The following TBCD variants were observed in gnomAD, a reference collection of about 807,000 sequenced individuals.
TBCD encodes the protein tubulin-specific chaperone D.
TBCD carries 105 observed loss-of-function variants against 169.3 expected under a neutral mutation model. The observed-to-expected ratio is 0.62, with a 90% confidence interval of 0.53 to 0.73. The LOEUF (loss-of-function observed/expected upper bound fraction) is 0.73, where lower values mean the gene tolerates loss of function less well. Ranked by LOEUF, TBCD falls within the 30% of genes least tolerant of loss-of-function variation. The pLI is 0.00. For missense variants in TBCD, 1,444 were observed against 1,600.1 expected, an observed-to-expected ratio of 0.90 and a Z score of 1.66; for synonymous variants, 700 against 643.9, an observed-to-expected ratio of 1.09 and a Z score of -1.32.
rs569717631 is a variant in TBCD, at chr17:82,805,745, C to T, written c.951-130C>T. 2.6e-5 allele frequency: 28 copies of T among 1,095,416 alleles called. 1 individual carries two copies. Among genetic ancestry groups the T allele is most frequent in the African/African-American group, 1.1e-4 (7 of 64,228 alleles). 67.9% of individuals were successfully genotyped at this position (1,095,416 alleles called of 1,614,324 possible). A position where few individuals can be genotyped will look rare whatever the true frequency, so the allele number is the denominator to read the frequency against. On this transcript the variant is annotated intron_variant, in intron 9 of 38. Transcript: ENST00000355528. ...TGCCTCCAGGTTCTCCCTTCTTATC[C>T]GGTCTCTGCAAAGTGCATGGAATTT...
Position 82,758,400 on chromosome 17 carries a change from A to AAAAAAAAAAAAAT in TBCD, c.235+2188_235+2189insAAAAAAAAATAAA, listed in dbSNP as rs1035939621. Reference sequence around the variant, plus strand: ...AACGTCTCGGAAAAAAAAAAAAAAAAAAATAAATAAATAAATAAATTTTTT... The same window carrying AAAAAAAAAAAAAT: ...AACGTCTCGGAAAAAAAAAAAAAAAAAAAAAAAAAAAATAAATAAATAAATAAATAAATTTTTT... On this transcript the variant is annotated intron_variant, in intron 2 of 38. Coordinates refer to ENST00000355528, the MANE Select transcript of TBCD (RefSeq NM_005993.5). 9.4e-3 allele frequency among the ~76,000 whole-genome samples: 934 copies of AAAAAAAAAAAAAT among 99,690 alleles called. 17 individuals carry two copies. Among genetic ancestry groups the AAAAAAAAAAAAAT allele is most frequent in the East Asian group, 0.02 (63 of 3,168 alleles). The allele number at this position is 99,690 out of a possible 152,430, so 65.4% of individuals were successfully genotyped here.
At chr17:82,809,979 T>TA (rs1413978827) in intron 12 of TBCD, among the ~76,000 whole-genome samples, 197 bp downstream of exon 12, 1 of 152,212 alleles carries the variant, frequency 6.6e-6, no homozygotes, top group African/African-American at 2.4e-5. Context: ...CCATTCTATT[T>TA]AAAAACCTTA....
At chr17:82,919,301 T>C (rs1478513968) in intron 23 of TBCD, among the ~76,000 whole-genome samples, 6 of 152,168 alleles carry the variant, frequency 3.9e-5, no homozygotes, top group Non-Finnish European at 8.8e-5. Context: ...TCTTGGCATG[T>C]AATCCCCAGC....
chr17:82,923,273 TGTA>T lies in TBCD; in HGVS notation c.2179-376_2179-374del, dbSNP rs879887531. Among the ~76,000 whole-genome samples, 54 of 152,206 alleles carry T rather than the reference TGTA, an allele frequency of 3.5e-4. No homozygotes were observed. The highest frequency in any genetic ancestry group is 7.1e-4 in the Non-Finnish European group (48 of 68,032). ...CAGGTTATCCATTCAGTTTCTTAGT[TGTA>T]GTGGTAGTAAAGTGATGCGTGTATC... On this transcript the variant is annotated intron_variant, in intron 25 of 38. Coordinates refer to ENST00000355528, the MANE Select transcript of TBCD (RefSeq NM_005993.5). The surrounding 1 kb of genome is among the most constrained non-coding windows in gnomAD (Gnocchi z 4.6).
chr17:82,798,868 G>C (rs1303091781), intron 8 of TBCD, among the ~76,000 whole-genome samples: 2 of 152,050 alleles, frequency 1.3e-5, no homozygotes, highest in African/African-American at 2.4e-5. Flanking sequence ...TCAGCCCCCT[G>C]AGTGGCTGGG....
rs773607280 is a variant in TBCD, at chr17:82,900,638, C to T, written c.1650-13C>T. Reference sequence around the variant, plus strand: ...TTCCGCGTCTCACCACCTCTCCATGCTGTCTTTTCCAGTGTGTTTATTGCC... The same window carrying T: ...TTCCGCGTCTCACCACCTCTCCATGTTGTCTTTTCCAGTGTGTTTATTGCC... On this transcript the variant is annotated splice_polypyrimidine_tract_variant and intron_variant, in intron 17 of 38. Coordinates refer to ENST00000355528, the MANE Select transcript of TBCD (RefSeq NM_005993.5). 1 of 1,611,974 alleles carries T rather than the reference C, an allele frequency of 6.2e-7. No homozygotes were observed. The highest frequency in any genetic ancestry group is 1.1e-5 in the South Asian group (1 of 90,996).
rs1003387795 is a variant in TBCD at position 82,944,670 on chromosome 17, T to C, written c.*2207T>C. On this transcript the variant is annotated 3_prime_UTR_variant, in exon 39 of 39. Coordinates refer to ENST00000355528, the MANE Select transcript of TBCD (RefSeq NM_005993.5). ...TTTAGAGAGCAGCAAGAAGCCAGTA[T>C]CCCTGGGACCGGGGAGCTGATGTGG... 6.6e-6 allele frequency: 1 copy of C among 152,176 alleles called. No homozygotes were observed. The highest frequency in any genetic ancestry group is 2.4e-5 in the African/African-American group (1 of 41,446). 9.4% of individuals were successfully genotyped at this position (152,176 alleles called of 1,614,324 possible).
intron 37 of TBCD, among the ~76,000 whole-genome samples, chr17:82,940,237 A>ACT (rs1691503939): frequency 2.0e-5 from 3 of 151,916 alleles, no homozygotes; most frequent in Admixed American, 6.5e-5. Context: ...ACACACACAC[A>ACT]CACACACACT....
chr17:82,844,206 C>CGTGTGTGTGTGT (rs769300875), intron 13 of TBCD, among the ~76,000 whole-genome samples: 3,623 of 127,366 alleles, frequency 0.028, 114 homozygotes, highest in African/African-American at 0.038. Flanking sequence ...GGATGTTCTC[C>CGTGTGTGTGTGT]GTGTGTGTGT....
rs370829071 is a variant in TBCD at position 82,937,333 on chromosome 17, T to C, written c.3254T>C (p.Ile1085Thr). Residue 1085 changes from isoleucine to threonine, a missense_variant, in exon 35 of 39, where the codon ATC (isoleucine) becomes ACC (threonine). Physicochemically the swap from Ile to Thr is moderately conservative, Grantham distance 89 (BLOSUM62 -1). Coordinates refer to ENST00000355528, the MANE Select transcript of TBCD (RefSeq NM_005993.5). ...CKKEIKNSKD[I>T]QKLLSGIAVF... ...AAAGAAATCAAGAATTCAAAAGATA[T>C]CCAGAAGCTCCTGTCAGGCATCGCA... 2.7e-5 allele frequency: 44 copies of C among 1,613,876 alleles called. No homozygotes were observed. The highest frequency in any genetic ancestry group is 3.3e-5 in the Non-Finnish European group (39 of 1,179,890).
chr17:82,817,953 T>G (rs2052064087), intron 13 of TBCD, among the ~76,000 whole-genome samples: 1 of 151,896 alleles, frequency 6.6e-6, no homozygotes, highest in African/African-American at 2.4e-5. Context: ...TGTGTGAGGG[T>G]GTGTGTGTGA....
At chr17:82,790,057 G>A (rs551957589) in intron 7 of TBCD, among the ~76,000 whole-genome samples, 2 of 152,206 alleles carry the variant, frequency 1.3e-5, no homozygotes, top group South Asian at 2.1e-4. Context: ...ATGTGGCTGC[G>A]CCGCCACCCT....
At chr17:82,855,109 G>A (rs530953894) in intron 13 of TBCD, among the ~76,000 whole-genome samples, 4 of 152,104 alleles carry the variant, frequency 2.6e-5, no homozygotes, top group East Asian at 1.9e-4. Flanking sequence ...TCCACCTCAC[G>A]GACCCCTCTT....
intron 9 of TBCD, among the ~76,000 whole-genome samples, chr17:82,802,976 G>A (rs1396856854): frequency 6.6e-6 from 1 of 152,226 alleles, no homozygotes; most frequent in Non-Finnish European, 1.5e-5. Flanking sequence ...TAACGTGGTT[G>A]GGTTTTAGTC....
chr17:82,929,851 G>A (rs1035554681), intron 32 of TBCD: 11 of 424,416 alleles, frequency 2.6e-5, no homozygotes, highest in African/African-American at 1.0e-4. Context: ...ATCGGCCTCC[G>A]CCCTCCACTT....
intron 14 of TBCD, among the ~76,000 whole-genome samples, chr17:82,873,181 A>C: frequency 6.6e-6 from 1 of 152,228 alleles, no homozygotes; most frequent in Non-Finnish European, 1.5e-5. Flanking sequence ...TTCATGGTGA[A>C]AATCCTCACG....
intron 17 of TBCD, among the ~76,000 whole-genome samples, chr17:82,896,722 C>G (rs2041616302): frequency 6.6e-6 from 1 of 152,150 alleles, no homozygotes; most frequent in South Asian, 2.1e-4. Context: ...CCTTGGCCTC[C>G]CAAAATGCTG....
At chr17:82,941,038 T>G in intron 37 of TBCD, among the ~76,000 whole-genome samples, 1 of 152,244 alleles carries the variant, frequency 6.6e-6, no homozygotes, top group Non-Finnish European at 1.5e-5. Flanking sequence ...TCCACAGCAT[T>G]GCTAGAATTT....
At chr17:82,834,388 C>A (rs1334088613) in intron 13 of TBCD, among the ~76,000 whole-genome samples, 1 of 151,966 alleles carries the variant, frequency 6.6e-6, no homozygotes, top group Non-Finnish European at 1.5e-5. Context: ...CACTTTAATT[C>A]GTATTAAAAA....
Sources: allele counts gnomAD v4.1 joint callset (sites outside exome capture counted in the v4.1 genomes callset), GRCh38; gene constraint gnomAD v4.1.1; non-coding constraint Gnocchi (gnomAD v3.1); transcripts MANE v1.5; gene names NCBI Gene and HGNC (gene_info 2026-07-23, HGNC 2026-07-21).